The following FAF1 variants were observed in gnomAD, a reference collection of about 807,000 sequenced individuals.
FAF1 encodes the protein FAS-associated factor 1.
Under a neutral mutation model 92.5 loss-of-function variants are expected in FAF1, and 25 were observed. The ratio of observed to expected loss-of-function variants is 0.27; its 90% CI spans 0.20 to 0.38. FAF1 has a LOEUF of 0.38. FAF1 is among the 10% of genes least tolerant of loss of function. The pLI, the probability that FAF1 is intolerant of heterozygous loss-of-function variation, is 1.00. For missense variants in FAF1, 636 were observed against 793.3 expected, an observed-to-expected ratio of 0.80 and a Z score of 2.38; for synonymous variants, 234 against 273.2, an observed-to-expected ratio of 0.86 and a Z score of 1.42.
At chr1:50,883,251 A>C (rs1167706389) in intron 1 of FAF1, among the ~76,000 whole-genome samples, 18 of 152,192 alleles carry the variant, frequency 1.2e-4, no homozygotes. Context: ...AAAAATGCCT[A>C]TACTGAATTA....
chr1:50,547,122 G>C (rs1649059424), intron 13 of FAF1, among the ~76,000 whole-genome samples: 1 of 151,712 alleles, frequency 6.6e-6, no homozygotes, highest in Non-Finnish European at 1.5e-5. Context: ...TGAACTCATG[G>C]GCTCAAGCAA....
intron 2 of FAF1, among the ~76,000 whole-genome samples, chr1:50,819,753 A>AGC (rs1644022376): frequency 1.4e-5 from 1 of 73,492 alleles, no homozygotes; most frequent in Non-Finnish European, 2.6e-5. Flanking sequence ...ATATATATAC[A>AGC]TATATATATA....
At chr1:50,761,370 G>A (rs997963591) in intron 4 of FAF1, among the ~76,000 whole-genome samples, 2 of 152,084 alleles carry the variant, frequency 1.3e-5, no homozygotes, top group African/African-American at 4.8e-5. Context: ...CCAAAGCCAG[G>A]CAGAGACACA....
At chr1:50,443,089 G>A (rs1163791687) in intron 18 of FAF1, among the ~76,000 whole-genome samples, 3 of 152,140 alleles carry the variant, frequency 2.0e-5, no homozygotes, top group South Asian at 2.1e-4. Flanking sequence ...CTTCTCATTC[G>A]TTGGCATTTT....
At chr1:50,508,857 C>T (rs747282890) in intron 15 of FAF1, among the ~76,000 whole-genome samples, 6 of 152,194 alleles carry the variant, frequency 3.9e-5, no homozygotes, top group Non-Finnish European at 7.4e-5. Context: ...TGAGCCACCA[C>T]ACCCTGCTAA....
chr1:50,595,048 A>T (rs1416402489), intron 9 of FAF1, among the ~76,000 whole-genome samples: 1 of 151,202 alleles, frequency 6.6e-6, no homozygotes, highest in Non-Finnish European at 1.5e-5. Flanking sequence ...TATTATTATT[A>T]TCTTTTTATT....
At chr1:50,486,969 AGTATTTGG>A (rs759075007) in intron 17 of FAF1, among the ~76,000 whole-genome samples, 41 of 152,324 alleles carry the variant, frequency 2.7e-4, no homozygotes, top group Non-Finnish European at 4.7e-4. Flanking sequence ...GAAAAAATGT[AGTATTTGG>A]GCCTTTGCAG....
At chr1:50,788,912 G>T (rs1661465521) in intron 3 of FAF1, among the ~76,000 whole-genome samples, 1 of 152,066 alleles carries the variant, frequency 6.6e-6, no homozygotes, top group South Asian at 2.1e-4. Context: ...GCTCATTGCA[G>T]CCTCAAACTC....
chr1:50,709,782 C>A (rs565021151), intron 6 of FAF1, among the ~76,000 whole-genome samples: 1 of 152,144 alleles, frequency 6.6e-6, no homozygotes, highest in Non-Finnish European at 1.5e-5. Context: ...TTATTTGATT[C>A]CTATTATCTG....
At chr1:50,819,577 A>C (rs1188525407) in intron 2 of FAF1, among the ~76,000 whole-genome samples, 20 of 148,696 alleles carry the variant, frequency 1.3e-4, no homozygotes. Context: ...CAATAGCTAT[A>C]ATCACACCAC....
At position 50,716,484 on chromosome 1, in the gene FAF1, G is replaced by A. The variant is rs1453883775; in HGVS notation, c.552-10593C>T. On this transcript the variant is annotated intron_variant, in intron 6 of 18. Transcript: ENST00000396153. ...ACTTCCTGGGTCGAGTGGGGACTTG[G>A]AGAACTTTTCTGTCTAGCTAGAGGA... Among the ~76,000 whole-genome samples the A allele has an allele frequency of 3.9e-5, 6 of 152,184 alleles. No individual in the cohort carries two copies. The East Asian group carries it at 1.2e-3, about 29-fold the overall frequency.
intron 8 of FAF1, among the ~76,000 whole-genome samples, chr1:50,646,584 A>G (rs926660244): frequency 3.3e-5 from 5 of 152,230 alleles, no homozygotes; most frequent in Admixed American, 6.5e-5. Context: ...ATACAAGTAT[A>G]CAAATTAAAA....
In FAF1 at chr1:50,640,766, C is replaced by T. The variant is rs529687122; in HGVS notation, c.744+14676G>A. Among the ~76,000 whole-genome samples, 4 of 151,078 alleles carry T rather than the reference C, an allele frequency of 2.6e-5. No individual in the cohort carries two copies. The East Asian group carries it at 7.8e-4, about 29-fold the overall frequency. ...ATGATGTCCTCTTATTAATTACTGGCACTGTTAATTCATATCTAGTCTCTT... is the reference window on the plus strand; with the variant it reads ...ATGATGTCCTCTTATTAATTACTGGTACTGTTAATTCATATCTAGTCTCTT... On this transcript the variant is annotated intron_variant, in intron 8 of 18. Transcript: ENST00000396153.
chr1:50,519,528 C>T (rs138448317), intron 15 of FAF1, among the ~76,000 whole-genome samples: 8 of 152,026 alleles, frequency 5.3e-5, no homozygotes, highest in African/African-American at 9.6e-5. Context: ...TTGATAGGGG[C>T]GTTTTGCCTA....
At chr1:50,451,710 A>G in intron 18 of FAF1, 1 of 273,984 alleles carries the variant, frequency 3.6e-6, no homozygotes, top group Non-Finnish European at 5.6e-6. Context: ...CAGAGCTAGT[A>G]ATTGTTAGAG....
At chr1:50,739,312 ATATACATG>A (rs1659277921) in intron 5 of FAF1, among the ~76,000 whole-genome samples, 2 of 152,160 alleles carry the variant, frequency 1.3e-5, no homozygotes, top group South Asian at 4.2e-4. Flanking sequence ...ACGTACATGC[ATATACATG>A]TGTACATGTG....
chr1:50,758,403 T>A (rs762642648), intron 4 of FAF1, among the ~76,000 whole-genome samples: 15 of 152,236 alleles, frequency 9.9e-5, no homozygotes, highest in Non-Finnish European at 1.9e-4. Context: ...CAGACAGAAA[T>A]CTGTCTTACG....
chr1:50,798,504 T>A (rs1661850028), intron 3 of FAF1, among the ~76,000 whole-genome samples: 1 of 152,228 alleles, frequency 6.6e-6, no homozygotes, highest in African/African-American at 2.4e-5. Context: ...CTGGACAATA[T>A]GTTAAATAAA....
chr1:50,513,316 C>A (rs561177557), intron 15 of FAF1, among the ~76,000 whole-genome samples: 1 of 152,196 alleles, frequency 6.6e-6, no homozygotes, highest in East Asian at 1.9e-4. Flanking sequence ...CCTGTCTCTA[C>A]CAGAAAAAAA....
Sources: allele counts gnomAD v4.1 joint callset (sites outside exome capture counted in the v4.1 genomes callset), GRCh38; gene constraint gnomAD v4.1.1; transcripts MANE v1.5; gene names NCBI Gene and HGNC (gene_info 2026-07-23, HGNC 2026-07-21).